Variants in ANKRD53 observed in about 807,000 individuals in gnomAD.
ANKRD53 encodes ankyrin repeat domain 53.
ANKRD53 carries 27 observed loss-of-function variants against 30.1 expected under a neutral mutation model. The ratio of observed to expected loss-of-function variants is 0.90; its 90% confidence interval spans 0.66 to 1.24. ANKRD53 has a LOEUF of 1.24. ANKRD53 is among the 50% of genes most tolerant of loss of function. The probability of loss-of-function intolerance (pLI) is 0.00; values close to 1 mark genes in which losing one functional copy is unlikely to be tolerated. For synonymous variants in ANKRD53, 286 were observed against 295.4 expected, an observed-to-expected ratio of 0.97 and a Z score of 0.33; for missense variants, 682 against 721.0, an observed-to-expected ratio of 0.95 and a Z score of 0.62.
In ANKRD53 at chr2:70,979,846, C is replaced by T. The variant is rs142005066; in HGVS notation, c.603C>T (p.Gly201=). The T allele has an allele frequency of 2.8e-3, 4,493 of 1,614,220 alleles. 5 individuals are homozygous for T. The highest frequency in any genetic ancestry group is 3.5e-3 in the Non-Finnish European group (4,162 of 1,180,038). The change falls in exon 3 of 6, where the codon GGC becomes GGT. Residue 201 remains glycine, a synonymous_variant. Coordinates refer to ENST00000360589, the MANE Select transcript of ANKRD53 (RefSeq NM_001115116.2). ...GCATCTACTACCTGCTGGAGAAAGG[C>T]GCAGACCTCAATGCGTGAGTCCAGC... The part of the protein sequence containing the change: ...LPCIYYLLEK[G]ADLNAQTCNG...
Position 70,984,655 on chromosome 2 carries a change from C to T in ANKRD53, c.948C>T (p.Leu316=), listed in dbSNP as rs1553424319. 2 of 1,614,180 alleles carry T rather than the reference C, an allele frequency of 1.2e-6. No individual in the cohort carries two copies. The highest frequency in any genetic ancestry group is 3.3e-5 in the Admixed American group (2 of 60,024). The part of the protein sequence containing the change: ...ILREAAIRKW[L]HGKLHPGHSL... ...GAGAAGCTGCTATCAGAAAGTGGCT[C>T]CACGGCAAGCTGCACCCAGGCCACT... is the stretch of plus-strand genomic sequence containing the variant. The change falls in exon 6 of 6, where the codon CTC becomes CTT. Residue 316 remains leucine (L), a synonymous_variant. Transcript: ENST00000360589.
Position 70,978,769 on chromosome 2 carries a change from G to C in ANKRD53, c.124G>C (p.Val42Leu). The C allele has an allele frequency of 6.4e-7, 1 of 1,571,676 alleles. No homozygotes were observed. The highest frequency in any genetic ancestry group is 8.6e-7 in the Non-Finnish European group (1 of 1,159,206). Reference sequence around the variant, plus strand: ...TGGCTCCATGCAGCAGGCGAACAAAGTCTCCTTGAAGGCCACCTGGACTGA... The same window carrying C: ...TGGCTCCATGCAGCAGGCGAACAAACTCTCCTTGAAGGCCACCTGGACTGA... ...PSGSMQQANK[V>L]SLKATWTDAE... is the part of the protein sequence containing the mutation. The change falls in exon 1 of 6, where the codon GTC becomes CTC. Residue 42 changes from valine (V) to leucine (L), a missense_variant. By Grantham distance (32) the Val-to-Leu change is conservative (BLOSUM62 1). Transcript: ENST00000360589. The surrounding 1 kb of genome is among the most constrained non-coding windows in gnomAD (Gnocchi z 4.3).
Position 70,979,771 on chromosome 2 carries a change from A to G in ANKRD53, c.528A>G (p.Thr176=), listed in dbSNP as rs1572932769. ...ACCTGCTGACCAACAATAGCCAGAC[A>G]CCCCTGCACCTCGTCATCCACAGGG... ...PVDLLTNNSQ[T]PLHLVIHRDN... is the part of the protein sequence containing the mutation. The change falls in exon 3 of 6, where the codon ACA becomes ACG. Residue 176 remains threonine (T), a synonymous_variant. Transcript: ENST00000360589. 1 of 1,613,982 alleles carries G rather than the reference A, an allele frequency of 6.2e-7. No homozygotes were observed. Among genetic ancestry groups the G allele is most frequent in the Non-Finnish European group, 8.5e-7 (1 of 1,179,990 alleles).
At chr2:70,980,782 A>G (rs933643251) in intron 3 of ANKRD53, among the ~76,000 whole-genome samples, 3 of 152,028 alleles carry the variant, frequency 2.0e-5, no homozygotes, top group Non-Finnish European at 4.4e-5. Context: ...CGTCTCTACT[A>G]AAAATACAAA....
chr2:70,985,342 G>A lies in ANKRD53; in HGVS notation c.*42G>A. ...TCTCCCCCTGAGGCAGCCCAGTGAA[G>A]GCTGAAGTGTGGCAATTCACGTTGT... On this transcript the variant is annotated 3_prime_UTR_variant, in exon 6 of 6. Transcript: ENST00000360589. 1.3e-6 allele frequency: 2 copies of A among 1,507,840 alleles called. No individual in the cohort carries two copies. The highest frequency in any genetic ancestry group is 1.2e-5 in the South Asian group (1 of 80,500). The allele number at this position is 1,507,840 out of a possible 1,614,324, so 93.4% of individuals were successfully genotyped here.
At position 70,985,119 on chromosome 2, in the gene ANKRD53, C is replaced by G. The variant is rs782521839; in HGVS notation, c.1412C>G (p.Pro471Arg). ...GTATGGCCATACAGAATGAAGGTGC[C>G]CCAGGGCTTTTACCCCATCAGCATG... ...PRVWPYRMKV[P>R]QGFYPISMRE... is the part of the protein sequence containing the mutation. The change falls in exon 6 of 6, where the codon CCC (proline) becomes CGC (arginine). Residue 471 changes from proline to arginine, a missense_variant. Transcript: ENST00000360589. 4.5e-6 allele frequency: 7 copies of G among 1,551,142 alleles called. No homozygotes were observed. Among genetic ancestry groups the G allele is most frequent in the Non-Finnish European group, 6.1e-6 (7 of 1,146,976 alleles).
chr2:70,979,405 G>A, intron 2 of ANKRD53, 62 bp downstream of exon 2: 1 of 1,602,746 alleles, frequency 6.2e-7, no homozygotes, highest in Non-Finnish European at 8.5e-7. Flanking sequence ...GCTCGGAGTG[G>A]TCACCTGGAG....
chr2:70,982,766 C>A lies in ANKRD53; in HGVS notation c.903+69C>A. On this transcript the variant is annotated intron_variant, in intron 5 of 5. Coordinates refer to ENST00000360589, the MANE Select transcript of ANKRD53 (RefSeq NM_001115116.2). The surrounding 1 kb of genome is among the most constrained non-coding windows in gnomAD (Gnocchi z 4.2). ...GCATGTGAGCAGAGGGGGCAGTGAC[C>A]CACATATTGTGGAGGAGTGGCTAGA... 1 of 1,577,952 alleles carries A rather than the reference C, an allele frequency of 6.3e-7. No individual in the cohort carries two copies. The highest frequency in any genetic ancestry group is 8.6e-7 in the Non-Finnish European group (1 of 1,159,538).
At chr2:70,978,546 G>C, upstream of ANKRD53, 2 of 1,349,714 alleles carry the variant, frequency 1.5e-6, no homozygotes, top group Non-Finnish European at 1.9e-6. This position sits in a 1 kb window ranked among gnomAD's most constrained non-coding sequence, Gnocchi z 4.3. Flanking sequence ...GGAAGGGGCC[G>C]GGAAACCGCG....
chr2:70,982,220 G>A lies in ANKRD53; in HGVS notation c.782+120G>A. The stretch of plus-strand genomic sequence containing the variant: ...AGGGTTGGGAAGCCAGACAGCTGGA[G>A]GATGCGCCTACTGCCCAGGATATTT... On this transcript the variant is annotated intron_variant, in intron 4 of 5. Coordinates refer to ENST00000360589, the MANE Select transcript of ANKRD53 (RefSeq NM_001115116.2). The surrounding 1 kb of genome is among the most constrained non-coding windows in gnomAD (Gnocchi z 4.2). 9 of 1,216,782 alleles carry A rather than the reference G, an allele frequency of 7.4e-6. No individual in the cohort carries two copies. Among genetic ancestry groups the A allele is most frequent in the Non-Finnish European group, 1.0e-5 (9 of 890,698 alleles). The allele number at this position is 1,216,782 out of a possible 1,614,324, so 75.4% of individuals were successfully genotyped here.
chr2:70,984,017 G>A (rs1670092880), intron 5 of ANKRD53: 2 of 1,078,146 alleles, frequency 1.9e-6, no homozygotes, highest in Middle Eastern at 2.9e-4. Context: ...ACCGGGCCTG[G>A]AGAGCCAGCC....
At chr2:70,979,601 T>C in intron 2 of ANKRD53, 60 bp from the exon 3 acceptor site, 1 of 1,529,738 alleles carries the variant, frequency 6.5e-7, no homozygotes, top group African/African-American at 1.4e-5. Context: ...TTTATATAAA[T>C]TGTGGACCCT....
chr2:70,981,903 T>G (rs2104855851), intron 3 of ANKRD53, 33 bp from the exon 4 acceptor site: 1 of 1,513,450 alleles, frequency 6.6e-7, no homozygotes, highest in African/African-American at 1.4e-5. Context: ...CTTTCCTTTC[T>G]GCCCTTATCC....
chr2:70,979,956 G>C, intron 3 of ANKRD53, 96 bp downstream of exon 3: 2 of 1,402,790 alleles, frequency 1.4e-6, no homozygotes, highest in South Asian at 2.5e-5. Flanking sequence ...AAGCAGAGGG[G>C]TTGCTGGAGG....
rs35678252 is a variant in ANKRD53 at position 70,985,491 on chromosome 2, A to ACC, written c.*197_*198dup. Reference sequence around the variant, plus strand: ...TTTCTCTGCAAATAAATCTCTTGGCACCCCCCCACCGCCGCCAGGAAATCC... The same window carrying ACC: ...TTTCTCTGCAAATAAATCTCTTGGCACCCCCCCCCACCGCCGCCAGGAAATCC... On this transcript the variant is annotated 3_prime_UTR_variant, in exon 6 of 6. Transcript: ENST00000360589. 6,259 of 568,938 alleles carry ACC rather than the reference A, an allele frequency of 0.011. 169 individuals are homozygous for ACC. The highest frequency in any genetic ancestry group is 0.075 in the African/African-American group (3,883 of 51,662). 35.2% of individuals were successfully genotyped at this position (568,938 alleles called of 1,614,324 possible).
Position 70,978,929 on chromosome 2 carries a change from G to T in ANKRD53, c.170+114G>T. 1 of 1,443,246 alleles carries T rather than the reference G, an allele frequency of 6.9e-7. No individual in the cohort carries two copies. Among genetic ancestry groups the T allele is most frequent in the South Asian group, 1.5e-5 (1 of 68,668 alleles). The allele number at this position is 1,443,246 out of a possible 1,614,324, so 89.4% of individuals were successfully genotyped here. On this transcript the variant is annotated intron_variant, in intron 1 of 5. Transcript: ENST00000360589. The surrounding 1 kb of genome is among the most constrained non-coding windows in gnomAD (Gnocchi z 4.3). ...GCGGAGGCTGCGGCCCGAGAAGCCA[G>T]CAGAGACAGGCTGGGGCCAGGGATC...
At position 70,979,619 on chromosome 2, in the gene ANKRD53, C is replaced by G. The variant is rs1553423151; in HGVS notation, c.418-42C>G. The G allele has an allele frequency of 1.9e-6, 3 of 1,571,136 alleles. 1 individual carries two copies. The Admixed American group carries it at 5.3e-5, about 28-fold the overall frequency. On this transcript the variant is annotated intron_variant, in intron 2 of 5. Transcript: ENST00000360589. ...ATATAAATTGTGGACCCTGGGACCT[C>G]AGTCCCACTCAGCCTCCTCCTGCCT...
At chr2:70,981,046 C>A (rs1374295217) in intron 3 of ANKRD53, among the ~76,000 whole-genome samples, 1 of 152,192 alleles carries the variant, frequency 6.6e-6, no homozygotes, top group Non-Finnish European at 1.5e-5. Flanking sequence ...CAGAAAAGAT[C>A]CCCAGGTGCT....
At chr2:70,979,554 G>A in intron 2 of ANKRD53, 107 bp from the exon 3 acceptor site, 1 of 1,413,852 alleles carries the variant, frequency 7.1e-7, no homozygotes, top group Non-Finnish European at 9.5e-7. Context: ...AGCATTCCTG[G>A]GGACACAGGG....
Sources: gnomAD v4.1 joint callset for allele counts (sites outside exome capture counted in the v4.1 genomes callset) on GRCh38, gnomAD v4.1.1 for gene constraint, Gnocchi (gnomAD v3.1) non-coding constraint, MANE v1.5 for transcripts, NCBI Gene and HGNC (gene_info 2026-07-23, HGNC 2026-07-21) for gene names.